The following VRK2 variants were observed in gnomAD, a reference collection of about 807,000 sequenced individuals.
VRK2 encodes VRK serine/threonine kinase 2.
A neutral mutation model predicts 57.6 loss-of-function variants in VRK2; 60 were observed. The observed-to-expected ratio is 1.04, with a 90% CI of 0.85 to 1.29. The LOEUF (loss-of-function observed/expected upper bound fraction) is 1.29. Among genes scored for constraint, VRK2 ranks in the 50% most tolerant of loss-of-function variants. The probability of loss-of-function intolerance (pLI) is 0.00; values close to 1 mark genes in which losing one functional copy is unlikely to be tolerated. For missense variants in VRK2, 705 were observed against 588.1 expected (o/e 1.20, Z -2.06); for synonymous variants, 231 against 199.2 (o/e 1.16, Z -1.35).
chr2:58,042,827 GACTCAC>G (rs1202114503), upstream of VRK2, among the ~76,000 whole-genome samples: 1 of 151,758 alleles, frequency 6.6e-6, no homozygotes, highest in African/African-American at 2.4e-5. Flanking sequence ...TTTTTCTGAT[GACTCAC>G]ACTTCACTGC....
At chr2:57,973,301 C>G (rs1304634495) in intron 1 of VRK2, among the ~76,000 whole-genome samples, 1 of 151,680 alleles carries the variant, frequency 6.6e-6, no homozygotes, top group East Asian at 1.9e-4. Flanking sequence ...AAGGGCCAAG[C>G]AAATGCAAGT....
intron 1 of VRK2, among the ~76,000 whole-genome samples, chr2:57,974,619 T>C (rs12470403): frequency 0.12 from 18,602 of 151,822 alleles, 1,224 homozygotes; most frequent in East Asian, 0.2. Context: ...TTTGAACATA[T>C]AAACTGTGAG....
intron 2 of VRK2, among the ~76,000 whole-genome samples, chr2:58,073,941 T>C (rs1669711231): frequency 6.6e-6 from 1 of 152,004 alleles, no homozygotes; most frequent in Non-Finnish European, 1.5e-5. Flanking sequence ...CCCACCCAGA[T>C]TAAGGGTGGA....
At chr2:57,997,063 A>G (rs1672946176) in intron 1 of VRK2, among the ~76,000 whole-genome samples, 3 of 152,122 alleles carry the variant, frequency 2.0e-5, no homozygotes. Context: ...AAAAACAAAA[A>G]CCAGACAAGA....
chr2:58,136,841 ATAT>A (rs1448548335), intron 10 of VRK2, among the ~76,000 whole-genome samples: 6 of 134,440 alleles, frequency 4.5e-5, no homozygotes, highest in South Asian at 2.2e-4. Flanking sequence ...TATATCATAT[ATAT>A]TATATCATAT....
chr2:58,053,716 A>T (rs1161491725), intron 2 of VRK2, among the ~76,000 whole-genome samples: 1 of 152,192 alleles, frequency 6.6e-6, no homozygotes, highest in African/African-American at 2.4e-5. Context: ...ATATTGCTTC[A>T]TTACATATTA....
intron 10 of VRK2, among the ~76,000 whole-genome samples, chr2:58,137,858 T>G (rs963765164): frequency 5.9e-5 from 9 of 152,232 alleles, no homozygotes; most frequent in African/African-American, 2.2e-4. Flanking sequence ...TAAAATGTAC[T>G]TAATAAATCC....
upstream of VRK2, chr2:58,046,479 A>C (rs2103743259): frequency 1.0e-6 from 1 of 984,984 alleles, no homozygotes; most frequent in Non-Finnish European, 1.2e-6. Context: ...GTGGTACAGG[A>C]GATCTAACAC....
chr2:57,973,518 A>G (rs924107487), intron 1 of VRK2, among the ~76,000 whole-genome samples: 9 of 151,870 alleles, frequency 5.9e-5, no homozygotes, highest in Non-Finnish European at 1.0e-4. Context: ...GAATTTCTAT[A>G]TAACGAATTC....
At chr2:58,050,091 T>C (rs1261114044) in intron 2 of VRK2, among the ~76,000 whole-genome samples, 3 of 152,156 alleles carry the variant, frequency 2.0e-5, no homozygotes, top group Non-Finnish European at 4.4e-5. Context: ...TCAACACTGT[T>C]CAATAGAAAT....
intron 2 of VRK2, among the ~76,000 whole-genome samples, chr2:58,083,601 C>T (rs1306310008): frequency 6.6e-6 from 1 of 151,720 alleles, no homozygotes; most frequent in African/African-American, 2.4e-5. Flanking sequence ...AGAATTTTGT[C>T]AAGTATAAAT....
chr2:57,924,175 C>T (rs953050029), intron 1 of VRK2, among the ~76,000 whole-genome samples: 6 of 151,986 alleles, frequency 3.9e-5, no homozygotes, highest in Middle Eastern at 3.4e-3. Context: ...CAGTAGTGTT[C>T]TTTTTGCTTA....
At chr2:58,137,206 TATATGATACATATATATC>T (rs1558687113) in intron 10 of VRK2, among the ~76,000 whole-genome samples, 73 of 101,676 alleles carry the variant, frequency 7.2e-4, no homozygotes, top group South Asian at 2.0e-3. Flanking sequence ...ATATATCTCA[TATATGATACATATATATC>T]ATATGATACA....
intron 1 of VRK2, among the ~76,000 whole-genome samples, chr2:57,940,008 A>G (rs2678893): frequency 0.64 from 96,355 of 151,532 alleles, 30,760 homozygotes; most frequent in African/African-American, 0.72. Flanking sequence ...TGTTCTCGAA[A>G]TAGAAATCTC....
upstream of VRK2, among the ~76,000 whole-genome samples, chr2:58,043,023 A>C (rs1445706874): frequency 6.6e-6 from 1 of 152,216 alleles, no homozygotes; most frequent in Non-Finnish European, 1.5e-5. Flanking sequence ...TAAAAAAAAC[A>C]CATATTCTCA....
At chr2:58,095,187 G>A (rs1414630345) in intron 7 of VRK2, among the ~76,000 whole-genome samples, 2 of 151,820 alleles carry the variant, frequency 1.3e-5, no homozygotes, top group African/African-American at 4.8e-5. Flanking sequence ...CCAGCCACTC[G>A]GGAGGCTGAG....
At chr2:58,099,838 TG>T (rs1228946564) in intron 7 of VRK2, among the ~76,000 whole-genome samples, 1 of 152,102 alleles carries the variant, frequency 6.6e-6, no homozygotes, top group Admixed American at 6.6e-5. Context: ...GTATAGGTTT[TG>T]GCTTTCTAGT....
intron 2 of VRK2, among the ~76,000 whole-genome samples, chr2:58,070,138 C>T (rs1209783959): frequency 2.0e-5 from 3 of 152,090 alleles, no homozygotes; most frequent in Non-Finnish European, 4.4e-5. Context: ...ATTTATTAAA[C>T]AATATTGATA....
intron 1 of VRK2, chr2:58,047,447 G>A: frequency 1.0e-6 from 1 of 985,416 alleles, no homozygotes; most frequent in Non-Finnish European, 1.2e-6. Flanking sequence ...CTTGGCAGAT[G>A]AACTCGGGAC....
Sources: gnomAD v4.1 joint callset for allele counts (sites outside exome capture counted in the v4.1 genomes callset) on GRCh38, gnomAD v4.1.1 for gene constraint, MANE v1.5 for transcripts, NCBI Gene and HGNC (gene_info 2026-07-23, HGNC 2026-07-21) for gene names.